The following LRBA variants were observed in gnomAD, a reference collection of about 807,000 sequenced individuals.
LRBA encodes the protein lipopolysaccharide-responsive and beige-like anchor protein.
In LRBA, 176 loss-of-function variants were observed where a neutral mutation model predicts 330.0. The observed-to-expected ratio is 0.53, with a 90% CI of 0.47 to 0.60. LRBA has a LOEUF of 0.60. LRBA is among the 20% of genes least tolerant of loss of function. The pLI, the probability that LRBA is intolerant of heterozygous loss-of-function variation, is 0.00. For synonymous variants in LRBA, 1,230 were observed against 1,193.0 expected (o/e 1.03, Z -0.64); for missense variants, 3,259 against 3,444.8 (o/e 0.95, Z 1.35).
At chr4:150,764,136 A>C (rs1273741116) in intron 34 of LRBA, among the ~76,000 whole-genome samples, 4 of 152,042 alleles carry the variant, frequency 2.6e-5, no homozygotes. Flanking sequence ...AAGAAAATGA[A>C]GAAAATTACC....
chr4:150,274,823 G>A (rs1383085672), intron 56 of LRBA, among the ~76,000 whole-genome samples: 1 of 152,106 alleles, frequency 6.6e-6, no homozygotes, highest in South Asian at 2.1e-4. Flanking sequence ...TCCAGGACCA[G>A]ACAGATTCAC....
chr4:151,008,980 A>ATATAT, intron 2 of LRBA, among the ~76,000 whole-genome samples: 1 of 11,312 alleles, frequency 8.8e-5, no homozygotes, highest in African/African-American at 1.7e-4. Context: ...AAAAAAAAAA[A>ATATAT]AAAAAAAAAT....
chr4:150,380,780 A>G (rs555866254), intron 47 of LRBA, among the ~76,000 whole-genome samples: 1 of 151,294 alleles, frequency 6.6e-6, no homozygotes, highest in African/African-American at 2.4e-5. Context: ...GTTCAAGACC[A>G]GCCTGACCAA....
intron 14 of LRBA, 21 bp from the exon 15 acceptor site, chr4:150,897,839 T>G: frequency 6.6e-7 from 1 of 1,516,080 alleles, no homozygotes; most frequent in Non-Finnish European, 9.1e-7. Context: ...AATATACACA[T>G]ACACATTTAG....
At chr4:150,682,285 C>A (rs781276960) in intron 37 of LRBA, among the ~76,000 whole-genome samples, 2 of 152,122 alleles carry the variant, frequency 1.3e-5, no homozygotes, top group Admixed American at 1.3e-4. Flanking sequence ...CCATTCTCCT[C>A]GCCATGGGCT....
intron 26 of LRBA, 140 bp downstream of exon 26, chr4:150,848,678 G>T: frequency 4.9e-6 from 3 of 617,184 alleles, no homozygotes; most frequent in Non-Finnish European, 5.6e-6. Context: ...CTACTACTAT[G>T]TACATTAAAA....
chr4:150,567,787 A>G (rs567239098), intron 40 of LRBA, among the ~76,000 whole-genome samples: 6 of 152,286 alleles, frequency 3.9e-5, no homozygotes, highest in African/African-American at 1.4e-4. Context: ...ATCTGTTGGA[A>G]AAAGAAGGGT....
chr4:150,422,753 G>T (rs950070262), intron 46 of LRBA: 3 of 1,213,472 alleles, frequency 2.5e-6, no homozygotes, highest in African/African-American at 1.5e-5. Flanking sequence ...GCTTCTTCAT[G>T]ACCTGGTGGC....
chr4:150,331,548 G>A (rs55889963), intron 48 of LRBA, among the ~76,000 whole-genome samples: 26,476 of 152,096 alleles, frequency 0.17, 2,775 homozygotes, highest in East Asian at 0.26. Flanking sequence ...TTAAAGTCGG[G>A]TCAATCTAGA....
intron 2 of LRBA, among the ~76,000 whole-genome samples, chr4:150,945,106 A>G (rs906334085): frequency 1.3e-5 from 2 of 152,226 alleles, no homozygotes; most frequent in Non-Finnish European, 2.9e-5. Context: ...ATGGACTAAT[A>G]CAACTGGAAA....
intron 53 of LRBA, among the ~76,000 whole-genome samples, chr4:150,300,270 C>T (rs1729497456): frequency 6.6e-6 from 1 of 151,962 alleles, no homozygotes; most frequent in Admixed American, 6.6e-5. Context: ...ATAAGGTTCA[C>T]TTTGAGAAAG....
At chr4:150,904,648 G>C (rs539448017) in intron 13 of LRBA, among the ~76,000 whole-genome samples, 27 of 151,954 alleles carry the variant, frequency 1.8e-4, no homozygotes, top group African/African-American at 6.5e-4. Flanking sequence ...TCTAGTAAAA[G>C]ATTTTAAAAG....
At chr4:150,582,412 T>A (rs1049290544) in intron 40 of LRBA, 1 of 150,990 alleles carries the variant, frequency 6.6e-6, no homozygotes. Context: ...AACCTCCAAG[T>A]GCACGGCGGA....
intron 56 of LRBA, among the ~76,000 whole-genome samples, chr4:150,267,926 A>C (rs952437733): frequency 6.6e-6 from 1 of 151,860 alleles, no homozygotes; most frequent in African/African-American, 2.4e-5. Flanking sequence ...TGGGCGTGGT[A>C]GTGGGCACCT....
intron 35 of LRBA, among the ~76,000 whole-genome samples, chr4:150,751,176 T>C (rs1404177171): frequency 6.6e-6 from 1 of 152,156 alleles, no homozygotes; most frequent in Non-Finnish European, 1.5e-5. Flanking sequence ...ATGATTACCA[T>C]CTAACCTTAC....
chr4:150,962,059 C>T (rs1738206340), intron 2 of LRBA, among the ~76,000 whole-genome samples: 1 of 149,436 alleles, frequency 6.7e-6, no homozygotes, highest in Non-Finnish European at 1.5e-5. Context: ...ACACTCTTAA[C>T]CTGTACGCAC....
intron 35 of LRBA, among the ~76,000 whole-genome samples, chr4:150,757,485 A>G (rs1486563412): frequency 6.6e-6 from 1 of 152,226 alleles, no homozygotes; most frequent in African/African-American, 2.4e-5. Flanking sequence ...GGCAAAATTT[A>G]TAGCAGCTAC....
intron 47 of LRBA, among the ~76,000 whole-genome samples, chr4:150,396,917 C>T (rs762442539): frequency 6.6e-5 from 10 of 152,128 alleles, no homozygotes; most frequent in Non-Finnish European, 1.5e-4. Flanking sequence ...AATACAACTA[C>T]AAAACTTTAT....
chr4:150,855,898 A>G (rs373743898), intron 22 of LRBA, among the ~76,000 whole-genome samples: 23 of 152,200 alleles, frequency 1.5e-4, no homozygotes, highest in African/African-American at 5.3e-4. Context: ...CAAGATACAC[A>G]GAATCTGTGA....
Sources: gnomAD v4.1 joint callset for allele counts (sites outside exome capture counted in the v4.1 genomes callset) on GRCh38, gnomAD v4.1.1 for gene constraint, MANE v1.5 for transcripts, NCBI Gene and HGNC (gene_info 2026-07-23, HGNC 2026-07-21) for gene names.